Variants in MSRB3 observed in about 807,000 individuals in gnomAD.
The protein encoded by MSRB3 is methionine-R-sulfoxide reductase B3.
A neutral mutation model predicts 21.0 loss-of-function variants in MSRB3; 13 were observed. The ratio of observed to expected loss-of-function variants is 0.62; its 90% CI spans 0.40 to 0.98. The LOEUF (loss-of-function observed/expected upper bound fraction) is 0.98. Among genes scored for constraint, MSRB3 ranks in the 50% least tolerant of loss-of-function variants. MSRB3 has a pLI of 0.00. For missense variants in MSRB3, 199 were observed against 230.3 expected (o/e 0.86, Z 0.88); for synonymous variants, 87 against 88.6 (o/e 0.98, Z 0.10).
intron 1 of MSRB3, among the ~76,000 whole-genome samples, chr12:65,296,705 A>G (rs188936882): frequency 2.8e-4 from 42 of 152,326 alleles, no homozygotes; most frequent in African/African-American, 9.4e-4. Flanking sequence ...AGGAAGTGCC[A>G]TTTGTTCAGT....
chr12:65,454,016 G>C, intron 6 of MSRB3, 191 bp downstream of exon 6: 2 of 683,350 alleles, frequency 2.9e-6, no homozygotes, highest in Non-Finnish European at 2.7e-6. Flanking sequence ...CGGCATGATA[G>C]CTCAAGCCTG....
At chr12:65,332,347 G>A (rs985630302) in intron 4 of MSRB3, among the ~76,000 whole-genome samples, 1 of 151,980 alleles carries the variant, frequency 6.6e-6, no homozygotes, top group African/African-American at 2.4e-5. Flanking sequence ...TTGTTAGAAA[G>A]GAGTGAGGGT....
At chr12:65,323,209 C>T (rs1410001336) in intron 2 of MSRB3, among the ~76,000 whole-genome samples, 1 of 152,148 alleles carries the variant, frequency 6.6e-6, no homozygotes, top group Non-Finnish European at 1.5e-5. Flanking sequence ...CAGGCAGAGC[C>T]ACAAAGCAAA....
chr12:65,379,613 T>G (rs1878830558), intron 5 of MSRB3, among the ~76,000 whole-genome samples: 1 of 152,228 alleles, frequency 6.6e-6, no homozygotes, highest in Non-Finnish European at 1.5e-5. Context: ...TAAAATAGAA[T>G]TATATGGTAT....
intron 2 of MSRB3, among the ~76,000 whole-genome samples, chr12:65,319,063 T>G (rs1056543998): frequency 6.6e-6 from 1 of 152,198 alleles, no homozygotes; most frequent in Non-Finnish European, 1.5e-5. Flanking sequence ...GATTTTACTA[T>G]TAAGGTTAGA....
chr12:65,369,418 G>C (rs1878197267), intron 5 of MSRB3, among the ~76,000 whole-genome samples: 1 of 152,130 alleles, frequency 6.6e-6, no homozygotes, highest in African/African-American at 2.4e-5. Context: ...AAACTATAGA[G>C]AGTTCAAGCC....
Position 65,348,337 on chromosome 12 carries a change from T to C in MSRB3, c.263+19734T>C, listed in dbSNP as rs1232692939. On this transcript the variant is annotated intron_variant, in intron 4 of 6. Transcript: ENST00000308259. ...GGGAGGGTGTATGTGTTGAGGAATT[T>C]ATCCATTTCTTCTAGATTTTGTAGT... 2.0e-5 allele frequency among the ~76,000 whole-genome samples: 3 copies of C among 152,216 alleles called. No homozygotes were observed. The East Asian group carries it at 5.8e-4, about 29-fold the overall frequency.
chr12:65,289,448 G>A (rs761820727), intron 1 of MSRB3, among the ~76,000 whole-genome samples: 3 of 152,172 alleles, frequency 2.0e-5, no homozygotes, highest in Non-Finnish European at 4.4e-5. Flanking sequence ...AGCCAAGATT[G>A]TGCCATTGCA....
chr12:65,300,308 C>T (rs1873239609), intron 1 of MSRB3, among the ~76,000 whole-genome samples: 2 of 152,148 alleles, frequency 1.3e-5, no homozygotes, highest in African/African-American at 4.8e-5. Context: ...AAGTAGCTGT[C>T]TCCTGGCCTT....
intron 4 of MSRB3, among the ~76,000 whole-genome samples, chr12:65,332,958 C>T (rs1875526546): frequency 6.6e-6 from 1 of 152,120 alleles, no homozygotes; most frequent in South Asian, 2.1e-4. Context: ...CAAATTTTAC[C>T]AAGCTAGTTT....
intron 1 of MSRB3, among the ~76,000 whole-genome samples, chr12:65,291,235 G>A (rs1872648391): frequency 6.6e-6 from 1 of 151,914 alleles, no homozygotes; most frequent in South Asian, 2.1e-4. Context: ...ACAGGCGCCT[G>A]CCACCATGTC....
intron 2 of MSRB3, chr12:65,315,940 T>C (rs1874269656): frequency 6.6e-6 from 1 of 152,222 alleles, no homozygotes; most frequent in Non-Finnish European, 1.5e-5. Flanking sequence ...GATTTTGTTT[T>C]GTTGCAGAAA....
intron 5 of MSRB3, chr12:65,419,805 GCCAGACC>G: frequency 3.1e-6 from 3 of 979,842 alleles, no homozygotes; most frequent in Non-Finnish European, 4.9e-6. Context: ...TCCCATTCCT[GCCAGACC>G]CCTAGCCATC....
chr12:65,283,515 C>T (rs904270691), intron 1 of MSRB3, among the ~76,000 whole-genome samples: 3 of 152,038 alleles, frequency 2.0e-5, no homozygotes, highest in South Asian at 2.1e-4. Context: ...ACTGCAGCCT[C>T]GAACTCCCTA....
At chr12:65,427,506 G>A (rs1881660733) in intron 5 of MSRB3, among the ~76,000 whole-genome samples, 1 of 152,260 alleles carries the variant, frequency 6.6e-6, no homozygotes, top group African/African-American at 2.4e-5. Flanking sequence ...TGTGGCTGAG[G>A]GGATTTCTTT....
intron 6 of MSRB3, among the ~76,000 whole-genome samples, chr12:65,456,027 G>A (rs764078274): frequency 1.3e-5 from 2 of 152,266 alleles, no homozygotes; most frequent in East Asian, 1.9e-4. Context: ...ATGAGCCACC[G>A]TGCCCAGCCT....
rs11832939 is a variant in MSRB3, at chr12:65,413,843, A to G, written c.293-39885A>G. On this transcript the variant is annotated intron_variant, in intron 5 of 6. Coordinates refer to ENST00000308259, the MANE Select transcript of MSRB3 (RefSeq NM_001031679.3). ...CTAGGGAAGACAGGGGTACAGTCAC[A>G]GTTTCAATAGGTCAGAGTAGGTCTC... Among the ~76,000 whole-genome samples, 524 of 152,288 alleles carry G rather than the reference A, an allele frequency of 3.4e-3. 4 individuals are homozygous for G. The highest frequency in any genetic ancestry group is 0.012 in the African/African-American group (492 of 41,538).
intron 5 of MSRB3, among the ~76,000 whole-genome samples, chr12:65,439,033 A>G (rs1370072243): frequency 6.6e-6 from 1 of 151,914 alleles, no homozygotes; most frequent in Non-Finnish European, 1.5e-5. Flanking sequence ...GATTGAGTTA[A>G]GTTCTAGTTA....
chr12:65,405,665 A>G (rs1880374870), intron 5 of MSRB3, among the ~76,000 whole-genome samples: 1 of 151,988 alleles, frequency 6.6e-6, no homozygotes, highest in Non-Finnish European at 1.5e-5. Flanking sequence ...GAACCTCAAT[A>G]CTGTTTTCTG....
Sources: gnomAD v4.1 joint callset for allele counts (sites outside exome capture counted in the v4.1 genomes callset) on GRCh38, gnomAD v4.1.1 for gene constraint, MANE v1.5 for transcripts, NCBI Gene and HGNC (gene_info 2026-07-23, HGNC 2026-07-21) for gene names.